AFTPH: variants seen among roughly 807,000 people sequenced by gnomAD.
AFTPH encodes the protein aftiphilin, also known as aftiphilin protein.
Under a neutral mutation model 72.5 loss-of-function variants are expected in AFTPH, and 7 were observed. The observed-to-expected ratio is 0.10, with a 90% CI of 0.05 to 0.18. The LOEUF (loss-of-function observed/expected upper bound fraction) is 0.18. Ranked by LOEUF, AFTPH falls within the 10% of genes least tolerant of loss-of-function variation. The pLI, the probability that AFTPH is intolerant of heterozygous loss-of-function variation, is 1.00. For synonymous variants in AFTPH, 337 were observed against 370.1 expected (o/e 0.91, Z 1.03); for missense variants, 979 against 1,060.5 (o/e 0.92, Z 1.07).
intron 1 of AFTPH, among the ~76,000 whole-genome samples, chr2:64,538,436 A>G (rs1280597988): frequency 6.6e-6 from 1 of 152,148 alleles, no homozygotes; most frequent in Non-Finnish European, 1.5e-5. Flanking sequence ...CATTTGTGGC[A>G]TTACCTGTGT....
chr2:64,591,701 A>G (rs1325519602), intron 8 of AFTPH, among the ~76,000 whole-genome samples, 187 bp from the exon 10 acceptor site: 1 of 152,130 alleles, frequency 6.6e-6, no homozygotes, highest in Non-Finnish European at 1.5e-5. Context: ...GTCACTCTTC[A>G]TGAGATTTGG....
intron 2 of AFTPH, among the ~76,000 whole-genome samples, chr2:64,554,649 CA>C (rs546645360): frequency 2.6e-3 from 391 of 152,272 alleles, no homozygotes; most frequent in Non-Finnish European, 4.7e-3. Flanking sequence ...GCTTTTGTGT[CA>C]AAGTAGTTTA....
chr2:64,551,494 G>T (rs1179899621), exon 2 of AFTPH: 2 of 1,613,654 alleles, frequency 1.2e-6, no homozygotes, highest in South Asian at 2.2e-5. Context: ...GACATCATTC[G>T]AATGTACTCT....
intron 1 of AFTPH, among the ~76,000 whole-genome samples, chr2:64,531,040 T>A (rs1485176450): frequency 4.2e-5 from 5 of 120,416 alleles, no homozygotes; most frequent in Admixed American, 1.1e-4. Context: ...CCAGTCTGGG[T>A]GACAGAGTGA....
intron 1 of AFTPH, chr2:64,525,670 A>G (rs1294110053): frequency 1.3e-5 from 2 of 152,528 alleles, no homozygotes; most frequent in African/African-American, 4.8e-5. Flanking sequence ...TTAACCTCTT[A>G]GACATTAAAA....
intron 7 of AFTPH, among the ~76,000 whole-genome samples, chr2:64,582,508 C>T (rs1043306800): frequency 1.3e-5 from 2 of 152,146 alleles, no homozygotes; most frequent in African/African-American, 2.4e-5. Context: ...ACCAATCTGT[C>T]TGGTTTTGAC....
intron 2 of AFTPH, among the ~76,000 whole-genome samples, chr2:64,553,641 G>A (rs73934542): frequency 0.016 from 2,441 of 148,110 alleles, 71 homozygotes; most frequent in African/African-American, 0.057. Context: ...AATGAGTTTC[G>A]TTAATATTTA....
intron 4 of AFTPH, among the ~76,000 whole-genome samples, 197 bp downstream of exon 4, chr2:64,569,415 GA>G (rs1558621891): frequency 6.6e-6 from 1 of 151,972 alleles, no homozygotes; most frequent in South Asian, 2.1e-4. Context: ...CTTATTTTTA[GA>G]AAAAATTGTT....
exon 2 of AFTPH, chr2:64,553,045 C>T (rs1671145873): frequency 1.9e-6 from 3 of 1,614,012 alleles, no homozygotes; most frequent in Non-Finnish European, 2.5e-6. Flanking sequence ...GGCACTGAAC[C>T]TGTTGCAAAA....
intron 1 of AFTPH, among the ~76,000 whole-genome samples, chr2:64,525,041 C>T (rs1416309865): frequency 6.6e-6 from 1 of 152,242 alleles, no homozygotes; most frequent in Non-Finnish European, 1.5e-5. Flanking sequence ...ACACTGCCTC[C>T]TTCACCGAGG....
intron 8 of AFTPH, among the ~76,000 whole-genome samples, chr2:64,586,203 A>G (rs1232468876): frequency 6.6e-6 from 1 of 152,218 alleles, no homozygotes; most frequent in Non-Finnish European, 1.5e-5. Flanking sequence ...CCATAAGACT[A>G]AGCCAGTTTC....
intron 1 of AFTPH, among the ~76,000 whole-genome samples, chr2:64,546,861 C>T (rs534528187): frequency 6.8e-6 from 1 of 146,560 alleles, no homozygotes; most frequent in Non-Finnish European, 1.5e-5. Flanking sequence ...AGTGAAACCC[C>T]GTCTCTACTA....
chr2:64,578,982 C>T (rs1264563871), intron 6 of AFTPH: 1 of 152,582 alleles, frequency 6.6e-6, no homozygotes, highest in African/African-American at 2.4e-5. Flanking sequence ...CAATTAAATT[C>T]TGGTATCTAA....
intron 1 of AFTPH, among the ~76,000 whole-genome samples, chr2:64,526,280 AG>A (rs1174963939): frequency 6.6e-6 from 1 of 152,216 alleles, no homozygotes; most frequent in Non-Finnish European, 1.5e-5. Flanking sequence ...GTGAAAAACT[AG>A]TTCAGAAATG....
chr2:64,544,780 G>A (rs1670464191), intron 1 of AFTPH, among the ~76,000 whole-genome samples: 1 of 152,096 alleles, frequency 6.6e-6, no homozygotes, highest in African/African-American at 2.4e-5. Flanking sequence ...ACACTGATTG[G>A]TTCAAGGACA....
chr2:64,538,175 G>C (rs1383503062), intron 1 of AFTPH, among the ~76,000 whole-genome samples: 1 of 152,076 alleles, frequency 6.6e-6, no homozygotes, highest in Non-Finnish European at 1.5e-5. Flanking sequence ...AGTCATAGGG[G>C]AAAAATGTGT....
intron 1 of AFTPH, among the ~76,000 whole-genome samples, chr2:64,537,328 CTT>C (rs1332095710): frequency 2.0e-5 from 3 of 152,124 alleles, no homozygotes; most frequent in Non-Finnish European, 2.9e-5. Flanking sequence ...GGGTACTATG[CTT>C]ATTACCTGGG....
At chr2:64,527,412 C>T (rs948725872) in intron 1 of AFTPH, among the ~76,000 whole-genome samples, 2 of 152,126 alleles carry the variant, frequency 1.3e-5, no homozygotes, top group African/African-American at 4.8e-5. Flanking sequence ...GAAACCCCGT[C>T]TCTACTGAAA....
In AFTPH at chr2:64,585,561, C is replaced by T; in HGVS notation, c.2579+16C>T. 1 of 1,579,906 alleles carries T rather than the reference C, an allele frequency of 6.3e-7. No individual in the cohort carries two copies. Among genetic ancestry groups the T allele is most frequent in the Non-Finnish European group, 8.6e-7 (1 of 1,169,284 alleles). Reference sequence around the variant, plus strand: ...CATCTACCAGGTAAATAAATAGTGTCAATTATACCCACATTTTGAATTCTG... The same window carrying T: ...CATCTACCAGGTAAATAAATAGTGTTAATTATACCCACATTTTGAATTCTG... On this transcript the variant is annotated intron_variant, in intron 8 of 8. Transcript: ENST00000238856.
Sources: allele counts gnomAD v4.1 joint callset (sites outside exome capture counted in the v4.1 genomes callset), GRCh38; gene constraint gnomAD v4.1.1; transcripts MANE v1.5; gene names NCBI Gene and HGNC (gene_info 2026-07-23, HGNC 2026-07-21).